Variants in CREB3L1 observed in about 807,000 individuals in gnomAD.
The protein encoded by CREB3L1 is cyclic AMP-responsive element-binding protein 3-like protein 1.
A neutral mutation model predicts 54.5 loss-of-function variants in CREB3L1; 33 were observed. That is an observed-to-expected ratio of 0.61 (90% confidence interval 0.46 to 0.81). CREB3L1 has a LOEUF of 0.81. CREB3L1 is among the 30% of genes least tolerant of loss of function. The pLI, the probability that CREB3L1 is intolerant of heterozygous loss-of-function variation, is 0.00. For synonymous variants in CREB3L1, 284 were observed against 286.4 expected (o/e 0.99, Z 0.08); for missense variants, 656 against 673.3 (o/e 0.97, Z 0.29).
chr11:46,277,767 C>G lies in CREB3L1; in HGVS notation c.-345C>G. 1 of 251,076 alleles carries G rather than the reference C, an allele frequency of 4.0e-6. No individual in the cohort carries two copies. Among genetic ancestry groups the G allele is most frequent in the Non-Finnish European group, 7.6e-6 (1 of 130,896 alleles). 15.6% of individuals were successfully genotyped at this position (251,076 alleles called of 1,614,324 possible). ...CACTTAGCTCCCCCGCCCCGGCTCC[C>G]ACCCTGTCCGGGGGGCTCCTGAAGC... On this transcript the variant is annotated 5_prime_UTR_variant, in exon 1 of 12. Coordinates refer to ENST00000621158, the MANE Select transcript of CREB3L1 (RefSeq NM_052854.4).
At position 46,320,366 on chromosome 11, in the gene CREB3L1, A is replaced by G. The variant is rs1939631610; in HGVS notation, c.1361A>G (p.Asn454Ser). Reference protein sequence around the residue: ...PMEPPDGWEINPGGPAEQRPR... With the variant: ...PMEPPDGWEISPGGPAEQRPR... Reference sequence around the variant, plus strand: ...GAGCCCCCAGATGGCTGGGAAATCAACCCCGGGGGGCCGGCAGAGCAGCGG... The same window carrying G: ...GAGCCCCCAGATGGCTGGGAAATCAGCCCCGGGGGGCCGGCAGAGCAGCGG... The change falls in exon 11 of 12, where the codon AAC becomes AGC. Residue 454 changes from asparagine (N) to serine (S), a missense_variant. Physicochemically the swap from Asn to Ser is conservative, Grantham distance 46 (BLOSUM62 1). Around this residue, in one of 3 missense-constraint regions of CREB3L1, gnomAD observed 240 missense variants for 219.8 expected, o/e 1.09. Transcript: ENST00000621158. 19 of 1,611,084 alleles carry G rather than the reference A, an allele frequency of 1.2e-5. No individual in the cohort carries two copies. In the East Asian group the frequency reaches 4.2e-4, roughly 36 times the overall value.
At chr11:46,306,573 A>G (rs577434686) in intron 2 of CREB3L1, among the ~76,000 whole-genome samples, 1 of 151,874 alleles carries the variant, frequency 6.6e-6, no homozygotes, top group Admixed American at 6.6e-5. Flanking sequence ...TTTAGGATAA[A>G]GTCACATCTC....
intron 1 of CREB3L1, among the ~76,000 whole-genome samples, chr11:46,285,650 C>T (rs1001621602): frequency 5.9e-5 from 9 of 152,128 alleles, no homozygotes; most frequent in Non-Finnish European, 1.3e-4. Flanking sequence ...GTTCAGTGTG[C>T]CTCCTCCCCT....
At position 46,307,973 on chromosome 11, in the gene CREB3L1, C is replaced by T. The variant is rs1308227983; in HGVS notation, c.489C>T (p.Pro163=). 1.3e-6 allele frequency: 2 copies of T among 1,556,624 alleles called. No individual in the cohort carries two copies. The highest frequency in any genetic ancestry group is 2.0e-4 in the Middle Eastern group (1 of 4,986). Residue 163 remains proline, a synonymous_variant, in exon 3 of 12, where the codon CCC becomes CCT. Transcript: ENST00000621158. The stretch of plus-strand genomic sequence containing the variant: ...CCACCCCGCTGCTGGGCCTCAGCCC[C>T]TTGTCCAGGCTGCCCATCCCCCACC... ...MATTPLLGLS[P]LSRLPIPHQA...
At chr11:46,312,691 G>T (rs1357892590) in intron 7 of CREB3L1, 21 bp downstream of exon 7, 2 of 1,599,042 alleles carry the variant, frequency 1.3e-6, no homozygotes, top group African/African-American at 2.7e-5. Flanking sequence ...TGGGAGGGGT[G>T]GGCAATCCAC....
chr11:46,292,505 T>C (rs1193048465), intron 1 of CREB3L1, among the ~76,000 whole-genome samples: 3 of 152,276 alleles, frequency 2.0e-5, no homozygotes, highest in Admixed American at 1.3e-4. Context: ...GCTGGATCAT[T>C]TGAAGCTACA....
intron 1 of CREB3L1, among the ~76,000 whole-genome samples, chr11:46,287,623 T>C (rs894396180): frequency 5.9e-5 from 9 of 152,076 alleles, no homozygotes; most frequent in African/African-American, 2.2e-4. Context: ...TGTGGGTACA[T>C]AGTAGGTTAG....
In CREB3L1 at chr11:46,278,734, C is replaced by T. The variant is rs1469070301; in HGVS notation, c.102+521C>T. On this transcript the variant is annotated intron_variant, in intron 1 of 11. Coordinates refer to ENST00000621158, the MANE Select transcript of CREB3L1 (RefSeq NM_052854.4). This position sits in a 1 kb window ranked among gnomAD's most constrained non-coding sequence, Gnocchi z 4.2. ...CCAGGGAATCAGGCCCAGAGACCCCCCACCCCAGGGAGGGACCTGAGGCTG... is the reference window on the plus strand; with the variant it reads ...CCAGGGAATCAGGCCCAGAGACCCCTCACCCCAGGGAGGGACCTGAGGCTG... 1.3e-5 allele frequency among the ~76,000 whole-genome samples: 2 copies of T among 152,192 alleles called. No homozygotes were observed. Among genetic ancestry groups the T allele is most frequent in the Non-Finnish European group, 2.9e-5 (2 of 68,028 alleles).
At chr11:46,312,829 T>A (rs1380935683) in intron 7 of CREB3L1, 22 bp from the exon 8 acceptor site, 1 of 1,579,438 alleles carries the variant, frequency 6.3e-7, no homozygotes. Flanking sequence ...CCCCTGAGCC[T>A]GTGCCTGCTT....
At chr11:46,320,586 A>G (rs1939636104) in intron 11 of CREB3L1, 58 bp downstream of exon 11, 1 of 1,547,986 alleles carries the variant, frequency 6.5e-7, no homozygotes, top group Non-Finnish European at 8.7e-7. Flanking sequence ...CCTCCTGCCC[A>G]CCCTTGGTCC....
intron 2 of CREB3L1, among the ~76,000 whole-genome samples, chr11:46,303,099 T>TGCC (rs1273135747): frequency 6.6e-6 from 1 of 152,180 alleles, no homozygotes; most frequent in African/African-American, 2.4e-5. Context: ...CGCAAACCCT[T>TGCC]GCCACCACCA....
intron 5 of CREB3L1, 45 bp downstream of exon 5, chr11:46,311,234 T>G: frequency 6.8e-7 from 1 of 1,479,734 alleles, no homozygotes; most frequent in South Asian, 1.3e-5. Flanking sequence ...AGGAATTGAA[T>G]ACATCCACCT....
chr11:46,317,498 G>C lies in CREB3L1; in HGVS notation c.1258+11G>C, dbSNP rs771812755. The C allele has an allele frequency of 3.1e-6, 5 of 1,606,188 alleles. No individual in the cohort carries two copies. In the African/African-American group the frequency reaches 6.7e-5, roughly 21 times the overall value. Reference sequence around the variant, plus strand: ...ACACGGCCAGCCAGAGTGAGTGCCCGCCTGTCATGCCAGCTCCCTGGGCTG... The same window carrying C: ...ACACGGCCAGCCAGAGTGAGTGCCCCCCTGTCATGCCAGCTCCCTGGGCTG... On this transcript the variant is annotated intron_variant, in intron 10 of 11. Transcript: ENST00000621158.
At position 46,320,322 on chromosome 11, in the gene CREB3L1, C is replaced by T. The variant is rs923905767; in HGVS notation, c.1317C>T (p.Arg439=). 1.2e-6 allele frequency: 2 copies of T among 1,612,892 alleles called. No individual in the cohort carries two copies. Among genetic ancestry groups the T allele is most frequent in the African/African-American group, 2.7e-5 (2 of 74,916 alleles). ...DDGAGLWEDG[R]STLLPMEPPD... is the part of the protein sequence containing the mutation. ...GGGCAGGCTTATGGGAAGATGGCCGCAGCACCCTGCTGCCCATGGAGCCCC... is the reference window on the plus strand; with the variant it reads ...GGGCAGGCTTATGGGAAGATGGCCGTAGCACCCTGCTGCCCATGGAGCCCC... The change falls in exon 11 of 12, where the codon CGC becomes CGT. Residue 439 remains arginine, a synonymous_variant. Coordinates refer to ENST00000621158, the MANE Select transcript of CREB3L1 (RefSeq NM_052854.4).
intron 2 of CREB3L1, among the ~76,000 whole-genome samples, chr11:46,304,340 C>T (rs556882798): frequency 7.9e-5 from 12 of 152,212 alleles, no homozygotes; most frequent in African/African-American, 2.6e-4. Context: ...GGAGTGGTGG[C>T]GCATGCCTGT....
At position 46,307,899 on chromosome 11, in the gene CREB3L1, G is replaced by T. The variant is rs1051533570; in HGVS notation, c.415G>T (p.Asp139Tyr). The change falls in exon 3 of 12, where the codon GAC becomes TAC. Residue 139 changes from aspartate (D) to tyrosine (Y), a missense_variant. By Grantham distance (160) the Asp-to-Tyr change is radical (BLOSUM62 -3). Coordinates refer to ENST00000621158, the MANE Select transcript of CREB3L1 (RefSeq NM_052854.4). ...KQEQSPELPV[D>Y]PLAAPSAMAA... ...GGAGCAGAGCCCGGAGCTGCCCGTG[G>T]ACCCTCTGGCTGCCCCCTCGGCCAT... 1.3e-6 allele frequency: 2 copies of T among 1,580,342 alleles called. No homozygotes were observed. The highest frequency in any genetic ancestry group is 1.7e-6 in the Non-Finnish European group (2 of 1,163,994).
chr11:46,283,083 T>C (rs1321670809), intron 1 of CREB3L1, among the ~76,000 whole-genome samples: 1 of 151,874 alleles, frequency 6.6e-6, no homozygotes, highest in Non-Finnish European at 1.5e-5. Context: ...CCCAGCCACT[T>C]AGGAGGCTGA....
chr11:46,285,433 G>C (rs2136335580), intron 1 of CREB3L1, among the ~76,000 whole-genome samples: 1 of 152,288 alleles, frequency 6.6e-6, no homozygotes, highest in East Asian at 1.9e-4. Context: ...ACCAGGATTG[G>C]GGAATGTGTG....
rs367682449 is a variant in CREB3L1, at chr11:46,278,333, G to C, written c.102+120G>C. Reference sequence around the variant, plus strand: ...GCAGGAGCCGGGGAGAGGGTTCAGCGCAGGGTCTCCAGGAGCGACATGTGT... The same window carrying C: ...GCAGGAGCCGGGGAGAGGGTTCAGCCCAGGGTCTCCAGGAGCGACATGTGT... On this transcript the variant is annotated intron_variant, in intron 1 of 11. Coordinates refer to ENST00000621158, the MANE Select transcript of CREB3L1 (RefSeq NM_052854.4). The surrounding 1 kb of genome is among the most constrained non-coding windows in gnomAD (Gnocchi z 4.2). 3.3e-6 allele frequency: 2 copies of C among 601,538 alleles called. No individual in the cohort carries two copies. Among genetic ancestry groups the C allele is most frequent in the African/African-American group, 3.8e-5 (2 of 52,592 alleles). 37.3% of individuals were successfully genotyped at this position (601,538 alleles called of 1,614,324 possible).
Sources: allele counts gnomAD v4.1 joint callset (sites outside exome capture counted in the v4.1 genomes callset), GRCh38; gene constraint gnomAD v4.1.1; regional missense constraint gnomAD v4.1.1; non-coding constraint Gnocchi (gnomAD v3.1); transcripts MANE v1.5; gene names NCBI Gene and HGNC (gene_info 2026-07-23, HGNC 2026-07-21).